The following MID1 variants were observed in gnomAD, a reference collection of about 807,000 sequenced individuals.
MID1 encodes the protein E3 ubiquitin-protein ligase Midline-1.
A neutral mutation model predicts 40.4 loss-of-function variants in MID1; 7 were observed. The observed-to-expected ratio is 0.17, with a 90% CI of 0.10 to 0.33. MID1 has a LOEUF of 0.33. MID1 is among the 10% of genes least tolerant of loss of function. MID1 has a pLI of 1.00. For synonymous variants in MID1, 229 were observed against 221.2 expected (o/e 1.04, Z -0.31); for missense variants, 367 against 558.5 (o/e 0.66, Z 3.46).
At chrX:10,752,320 G>A (rs960417058) in intron 1 of MID1, among the ~76,000 whole-genome samples, 1 of 111,730 alleles carries the variant, frequency 9.0e-6, no homozygotes, top group African/African-American at 3.3e-5. Context: ...GCCAAGGTAA[G>A]AAGTATAGTG....
chrX:10,574,389 A>G (rs1487588940), intron 1 of MID1, among the ~76,000 whole-genome samples: 8 of 112,243 alleles, frequency 7.1e-5, no homozygotes. Flanking sequence ...ATACAGCCCT[A>G]AAGATACCTT....
intron 1 of MID1, among the ~76,000 whole-genome samples, chrX:10,701,121 C>T (rs976838168): frequency 3.6e-5 from 4 of 111,670 alleles, no homozygotes; most frequent in African/African-American, 1.3e-4. Flanking sequence ...CTAAAGCAGC[C>T]GCTGTTGATG....
chrX:10,641,089 A>G (rs1936188634), intron 1 of MID1, among the ~76,000 whole-genome samples: 1 of 111,918 alleles, frequency 8.9e-6, no homozygotes, highest in Non-Finnish European at 1.9e-5. Flanking sequence ...ACACCCCAAC[A>G]TCACAATTAA....
At chrX:10,625,778 T>C (rs374523455) in intron 1 of MID1, among the ~76,000 whole-genome samples, 1 of 112,246 alleles carries the variant, frequency 8.9e-6, no homozygotes, top group East Asian at 2.8e-4. Context: ...ATGTACTCTT[T>C]CTTTGGAAAC....
chrX:10,495,490 A>G, intron 4 of MID1, 94 bp downstream of exon 4: 1 of 679,172 alleles, frequency 1.5e-6, no homozygotes, highest in Non-Finnish European at 2.4e-6. Flanking sequence ...GTATAGAAAA[A>G]GAGGGTTCTC....
intron 3 of MID1, among the ~76,000 whole-genome samples, chrX:10,522,082 T>C (rs979343174): frequency 8.0e-5 from 9 of 112,254 alleles, no homozygotes; most frequent in African/African-American, 2.9e-4. Flanking sequence ...GCGATCCTCC[T>C]GCCTTAGCCT....
chrX:10,719,335 C>T (rs1241312071), intron 1 of MID1, among the ~76,000 whole-genome samples: 1 of 111,579 alleles, frequency 9.0e-6, no homozygotes, highest in Non-Finnish European at 1.9e-5. Flanking sequence ...AGCTGATAAG[C>T]AACTTCAGCA....
At chrX:10,491,188 AT>A (rs1018242719) in intron 4 of MID1, among the ~76,000 whole-genome samples, 2 of 110,907 alleles carry the variant, frequency 1.8e-5, no homozygotes, top group Non-Finnish European at 1.9e-5. Flanking sequence ...GTTTTTCTTT[AT>A]TTTTTTTAAC....
rs773141461 is a variant in MID1 at position 10,482,757 on chromosome X, A to G, written c.865-129T>C. On this transcript the variant is annotated intron_variant, in intron 4 of 9. Transcript: ENST00000317552. ...AAGTTCAAAAAGTAGGCATAGAGATATATCAAAATATGGAAAGCTCCGTTA... is the reference window on the plus strand; with the variant it reads ...AAGTTCAAAAAGTAGGCATAGAGATGTATCAAAATATGGAAAGCTCCGTTA... 10 of 659,638 alleles carry G rather than the reference A, an allele frequency of 1.5e-5. No individual in the cohort carries two copies. In the Admixed American group the frequency reaches 2.3e-4, roughly 15 times the overall value. The allele number at this position is 659,638 out of a possible 1,213,427, so 54.4% of individuals were successfully genotyped here. A position where few individuals can be genotyped will look rare whatever the true frequency, so the allele number is the denominator to read the frequency against.
intron 1 of MID1, among the ~76,000 whole-genome samples, chrX:10,717,141 G>A (rs2147093468): frequency 9.0e-6 from 1 of 111,521 alleles, no homozygotes; most frequent in South Asian, 3.8e-4. Context: ...ATCAACTAAC[G>A]AGCAAAATAA....
chrX:10,518,611 A>G (rs1932564764), intron 3 of MID1, among the ~76,000 whole-genome samples: 4 of 111,951 alleles, frequency 3.6e-5, no homozygotes, highest in African/African-American at 1.3e-4. Flanking sequence ...TTATAGGAGA[A>G]TTGGGTGTTC....
At chrX:10,491,882 T>C (rs1387374389) in intron 4 of MID1, among the ~76,000 whole-genome samples, 1 of 111,719 alleles carries the variant, frequency 9.0e-6, no homozygotes, top group Non-Finnish European at 1.9e-5. Flanking sequence ...TCCTATATAC[T>C]TTCCTATCTT....
intron 2 of MID1, 106 bp downstream of exon 2, chrX:10,566,782 G>A (rs1432558901): frequency 6.8e-5 from 58 of 857,935 alleles, no homozygotes; most frequent in Non-Finnish European, 5.1e-6. Context: ...GATAACAAAG[G>A]TGAGGAGAAA....
At chrX:10,458,378 T>C (rs1411483214) in intron 8 of MID1, among the ~76,000 whole-genome samples, 1 of 112,034 alleles carries the variant, frequency 8.9e-6, no homozygotes, top group Non-Finnish European at 1.9e-5. Flanking sequence ...AAATGCATTG[T>C]GGGATCCTGG....
chrX:10,482,516 G>T lies in MID1; in HGVS notation c.977C>A (p.Ala326Glu). 8.3e-7 allele frequency: 1 copy of T among 1,210,884 alleles called. No homozygotes were observed. The change falls in exon 5 of 10, where the codon GCG becomes GAG. Residue 326 changes from alanine (A) to glutamate (E), a missense_variant. Around this residue, in one of 3 missense-constraint regions of MID1, gnomAD observed 275 missense variants for 383.1 expected, o/e 0.72. Transcript: ENST00000317552. ...ATTCTTAGCAGTCTGTAGGAAACGCGCATGATCATTCTCCTTCAGAGAGTG... is the reference window on the plus strand; with the variant it reads ...ATTCTTAGCAGTCTGTAGGAAACGCTCATGATCATTCTCCTTCAGAGAGTG... The part of the protein sequence containing the change: ...AEHSLKENDH[A>E]RFLQTAKNIT...
intron 1 of MID1, among the ~76,000 whole-genome samples, chrX:10,587,934 T>C (rs1162159754): frequency 9.0e-6 from 1 of 111,591 alleles, no homozygotes; most frequent in Non-Finnish European, 1.9e-5. Context: ...ATTTATCTAA[T>C]TTTTAATGTT....
chrX:10,548,407 T>A, intron 2 of MID1, among the ~76,000 whole-genome samples: 1 of 112,209 alleles, frequency 8.9e-6, no homozygotes, highest in Non-Finnish European at 1.9e-5. Flanking sequence ...ACAAATTGAT[T>A]TTGTTTTTCC....
intron 1 of MID1, among the ~76,000 whole-genome samples, chrX:10,739,055 TG>T (rs961881459): frequency 3.6e-5 from 4 of 111,847 alleles, no homozygotes; most frequent in African/African-American, 9.7e-5. Context: ...GCACCTTCCT[TG>T]ATTCAAGCGA....
intron 1 of MID1, among the ~76,000 whole-genome samples, chrX:10,643,975 G>A (rs748063857): frequency 3.6e-5 from 4 of 109,772 alleles, no homozygotes; most frequent in African/African-American, 1.3e-4. Context: ...TGGACACAGG[G>A]TGGGGAACAT....
Sources: gnomAD v4.1 joint callset for allele counts (sites outside exome capture counted in the v4.1 genomes callset) on GRCh38, gnomAD v4.1.1 for gene constraint, gnomAD v4.1.1 regional missense constraint, MANE v1.5 for transcripts, NCBI Gene and HGNC (gene_info 2026-07-23, HGNC 2026-07-21) for gene names.